Variants in IFFO2 observed in about 807,000 individuals in gnomAD.
IFFO2 encodes the protein intermediate filament family orphan 2.
IFFO2 carries 19 observed loss-of-function variants against 53.5 expected under a neutral mutation model. That is an observed-to-expected ratio of 0.36 (90% CI 0.25 to 0.52). The LOEUF (loss-of-function observed/expected upper bound fraction) is 0.52. IFFO2 is among the 20% of genes least tolerant of loss of function. The pLI, the probability that IFFO2 is intolerant of heterozygous loss-of-function variation, is 0.94. For synonymous variants in IFFO2, 303 were observed against 313.6 expected (o/e 0.97, Z 0.36); for missense variants, 570 against 727.4 (o/e 0.78, Z 2.49).
At position 18,936,770 on chromosome 1, in the gene IFFO2, G is replaced by A. The variant is rs1364183149; in HGVS notation, c.666-15649C>T. ...CTTATCATGTGCAGCCTGAAAAAAT[G>A]AGGGGCTGGCAGCCAGGCAGAGCCC... On this transcript the variant is annotated intron_variant, in intron 1 of 8. Coordinates refer to ENST00000455833, the MANE Select transcript of IFFO2 (RefSeq NM_001136265.2). This position sits in a 1 kb window ranked among gnomAD's most constrained non-coding sequence, Gnocchi z 4.5. Among the ~76,000 whole-genome samples, 1 of 152,196 alleles carries A rather than the reference G, an allele frequency of 6.6e-6. No individual in the cohort carries two copies. Among genetic ancestry groups the A allele is most frequent in the Non-Finnish European group, 1.5e-5 (1 of 68,028 alleles).
intron 1 of IFFO2, among the ~76,000 whole-genome samples, chr1:18,933,723 A>T (rs1356693146): frequency 6.6e-6 from 1 of 152,162 alleles, no homozygotes; most frequent in Non-Finnish European, 1.5e-5. Flanking sequence ...GCGCCACTGC[A>T]CTCCAGCCTG....
chr1:18,921,859 C>T (rs913285748), intron 1 of IFFO2, among the ~76,000 whole-genome samples: 8 of 151,970 alleles, frequency 5.3e-5, no homozygotes, highest in Non-Finnish European at 8.8e-5. Context: ...GAAACGCGGG[C>T]GGGAGGGGAG....
At chr1:18,908,748 C>T in intron 8 of IFFO2, 82 bp from the exon 9 acceptor site, 1 of 960,230 alleles carries the variant, frequency 1.0e-6, no homozygotes, top group Non-Finnish European at 1.6e-6. Context: ...GCTGAGCTGC[C>T]ACTTCTATAA....
In IFFO2 at chr1:18,919,449, G is replaced by C. The variant is rs778170902; in HGVS notation, c.822+229C>G. On this transcript the variant is annotated intron_variant, in intron 3 of 8. Transcript: ENST00000455833. This position sits in a 1 kb window ranked among gnomAD's most constrained non-coding sequence, Gnocchi z 4.9. The stretch of plus-strand genomic sequence containing the variant: ...GGGGGAGGGCGGGATAGGTTAAGCG[G>C]CAGATTAATGCATCTCTACTCAGAC... 2.0e-5 allele frequency among the ~76,000 whole-genome samples: 3 copies of C among 151,652 alleles called. No homozygotes were observed. The highest frequency in any genetic ancestry group is 4.4e-5 in the Non-Finnish European group (3 of 67,928).
At chr1:18,952,738 T>C (rs78358377) in intron 1 of IFFO2, among the ~76,000 whole-genome samples, 4,430 of 152,250 alleles carry the variant, frequency 0.029, 230 homozygotes, top group African/African-American at 0.1. Flanking sequence ...TGAAGGATCT[T>C]TTTGGGGGCT....
intron 7 of IFFO2, among the ~76,000 whole-genome samples, 176 bp from the exon 8 acceptor site, chr1:18,910,648 A>G (rs568136820): frequency 6.6e-6 from 1 of 152,272 alleles, no homozygotes; most frequent in East Asian, 1.9e-4. Flanking sequence ...CTCTCTGCAC[A>G]TGGGTCCACT....
intron 5 of IFFO2, among the ~76,000 whole-genome samples, chr1:18,913,399 G>T (rs779135101): frequency 2.0e-5 from 3 of 152,254 alleles, no homozygotes; most frequent in African/African-American, 7.2e-5. Context: ...TTCCTTCCCA[G>T]CGTCTGGGAT....
intron 1 of IFFO2, among the ~76,000 whole-genome samples, chr1:18,951,169 T>A (rs1365428972): frequency 2.0e-5 from 3 of 152,156 alleles, no homozygotes; most frequent in African/African-American, 7.2e-5. Context: ...ATGGAATACT[T>A]TTTGGACAGT....
Position 18,919,751 on chromosome 1 carries a change from A to G in IFFO2, c.749T>C (p.Ile250Thr). 6.4e-7 allele frequency: 1 copy of G among 1,551,492 alleles called. No individual in the cohort carries two copies. Among genetic ancestry groups the G allele is most frequent in the Non-Finnish European group, 8.7e-7 (1 of 1,146,906 alleles). The change falls in exon 3 of 9, where the codon ATC becomes ACC. Residue 250 changes from isoleucine (I) to threonine (T), a missense_variant. Physicochemically the swap from Ile to Thr is moderately conservative, Grantham distance 89. Transcript: ENST00000455833. This position sits in a 1 kb window ranked among gnomAD's most constrained non-coding sequence, Gnocchi z 4.9. ...GATCTTCTCATTCATCTCCTCCTGG[A>G]TGGCATCAGCCTCCTGTGCTGCCTG... is the stretch of plus-strand genomic sequence containing the variant. Reference protein sequence around the residue: ...LQEAAQEADAIQEEMNEKIER... With the variant: ...LQEAAQEADATQEEMNEKIER...
At position 18,916,490 on chromosome 1, in the gene IFFO2, G is replaced by A. The variant is rs1357079630; in HGVS notation, c.1103+413C>T. On this transcript the variant is annotated intron_variant, in intron 5 of 8. Coordinates refer to ENST00000455833, the MANE Select transcript of IFFO2 (RefSeq NM_001136265.2). This position sits in a 1 kb window ranked among gnomAD's most constrained non-coding sequence, Gnocchi z 4.3. ...AATGTTGAAAATGAGTCTTGGCTGT[G>A]TGCAGTGGTTCACGCCTGTAATCCC... Among the ~76,000 whole-genome samples the A allele has an allele frequency of 6.6e-6, 1 of 152,188 alleles. No homozygotes were observed. The highest frequency in any genetic ancestry group is 2.4e-5 in the African/African-American group (1 of 41,442).
Position 18,955,730 on chromosome 1 carries a change from C to A in IFFO2, c.603G>T (p.Glu201Asp). The change falls in exon 1 of 9, where the codon GAG (glutamate) becomes GAT (aspartate). Residue 201 changes from glutamate to aspartate, a missense_variant. Transcript: ENST00000455833. ...VGVQIDTITPEIRALYNVLAK... is the reference protein window; with the variant it reads ...VGVQIDTITPDIRALYNVLAK... Reference sequence around the variant, plus strand: ...CCAGCACGTTGTAGAGCGCGCGGATCTCCGGCGTGATGGTGTCGATCTGCA... The same window carrying A: ...CCAGCACGTTGTAGAGCGCGCGGATATCCGGCGTGATGGTGTCGATCTGCA... 1.3e-6 allele frequency: 2 copies of A among 1,592,462 alleles called. No homozygotes were observed. The highest frequency in any genetic ancestry group is 2.3e-5 in the East Asian group (1 of 43,438).
chr1:18,907,402 C>CT lies in IFFO2; in HGVS notation c.*1158_*1159insA. 2 of 152,662 alleles carry CT rather than the reference C, an allele frequency of 1.3e-5. No homozygotes were observed. Among genetic ancestry groups the CT allele is most frequent in the African/African-American group, 4.8e-5 (2 of 41,580 alleles). 9.5% of individuals were successfully genotyped at this position (152,662 alleles called of 1,614,324 possible). On this transcript the variant is annotated 3_prime_UTR_variant, in exon 9 of 9. Coordinates refer to ENST00000455833, the MANE Select transcript of IFFO2 (RefSeq NM_001136265.2). ...GCCCTCACTCCAGCTCCTGCACTGC[C>CT]AGCAGCCCACCCTGCTTCTCTCCTG...
At chr1:18,934,706 T>C (rs1055751746) in intron 1 of IFFO2, among the ~76,000 whole-genome samples, 1 of 152,248 alleles carries the variant, frequency 6.6e-6, no homozygotes, top group East Asian at 1.9e-4. Flanking sequence ...CTTTTTCTTA[T>C]GAGATTTTCT....
rs1000698052 is a variant in IFFO2 at position 18,912,681 on chromosome 1, C to T, written c.1104-598G>A. On this transcript the variant is annotated intron_variant, in intron 5 of 8. Coordinates refer to ENST00000455833, the MANE Select transcript of IFFO2 (RefSeq NM_001136265.2). ...CCACTAAGCATGCAGCAAAATGCAA[C>T]GCCCTCAAAACAATTCCACCCTCAA... Among the ~76,000 whole-genome samples, 16 of 152,174 alleles carry T rather than the reference C, an allele frequency of 1.1e-4. 1 individual carries two copies. The highest frequency in any genetic ancestry group is 2.7e-4 in the African/African-American group (11 of 41,428).
chr1:18,913,611 C>G (rs1936078186), intron 5 of IFFO2, among the ~76,000 whole-genome samples: 1 of 152,214 alleles, frequency 6.6e-6, no homozygotes, highest in Non-Finnish European at 1.5e-5. Context: ...CAAAACAAAA[C>G]ACAACTGTAA....
At chr1:18,921,917 G>A (rs964997333) in intron 1 of IFFO2, among the ~76,000 whole-genome samples, 3 of 152,092 alleles carry the variant, frequency 2.0e-5, no homozygotes, top group African/African-American at 7.2e-5. Flanking sequence ...TGCAGGAAGG[G>A]GTGGGAGCAG....
intron 1 of IFFO2, among the ~76,000 whole-genome samples, chr1:18,931,064 T>A (rs1453484404): frequency 6.6e-6 from 1 of 152,122 alleles, no homozygotes; most frequent in Non-Finnish European, 1.5e-5. Context: ...CCTAGCTACT[T>A]GGGAGGCTGA....
chr1:18,925,171 C>T (rs115919574), intron 1 of IFFO2, among the ~76,000 whole-genome samples: 17 of 152,272 alleles, frequency 1.1e-4, no homozygotes, highest in African/African-American at 4.1e-4. Flanking sequence ...TATAAAATCC[C>T]GCTGAGCCCT....
chr1:18,929,941 A>T (rs961147689), intron 1 of IFFO2, among the ~76,000 whole-genome samples: 6 of 152,164 alleles, frequency 3.9e-5, no homozygotes, highest in Admixed American at 6.5e-5. Flanking sequence ...CAAGCATCCT[A>T]CACTGACCAC....
Sources: gnomAD v4.1 joint callset for allele counts (sites outside exome capture counted in the v4.1 genomes callset) on GRCh38, gnomAD v4.1.1 for gene constraint, Gnocchi (gnomAD v3.1) non-coding constraint, MANE v1.5 for transcripts, NCBI Gene and HGNC (gene_info 2026-07-23, HGNC 2026-07-21) for gene names.